Variants in PTPRD observed in about 807,000 individuals in gnomAD.
PTPRD encodes the protein receptor-type tyrosine-protein phosphatase delta.
PTPRD carries 34 observed loss-of-function variants against 214.5 expected under a neutral mutation model. The observed-to-expected ratio is 0.16, with a 90% CI of 0.12 to 0.21. The LOEUF (loss-of-function observed/expected upper bound fraction) is 0.21. Ranked by LOEUF, PTPRD falls within the 10% of genes least tolerant of loss-of-function variation. PTPRD has a pLI of 1.00. For missense variants in PTPRD, 2,545 were observed against 2,398.7 expected (o/e 1.06, Z -1.27); for synonymous variants, 1,128 against 845.7 (o/e 1.33, Z -5.79).
intron 11 of PTPRD, among the ~76,000 whole-genome samples, chr9:9,000,723 T>C (rs961988961): frequency 6.6e-6 from 1 of 151,992 alleles, no homozygotes; most frequent in Non-Finnish European, 1.5e-5. Flanking sequence ...CAGGCAGCTC[T>C]CATTCCACCA....
At chr9:9,425,427 T>C in intron 8 of PTPRD, among the ~76,000 whole-genome samples, 1 of 146,954 alleles carries the variant, frequency 6.8e-6, no homozygotes, top group East Asian at 2.0e-4. Flanking sequence ...AATATTATAA[T>C]ATCTTATACA....
intron 4 of PTPRD, among the ~76,000 whole-genome samples, chr9:9,947,239 C>A (rs10759113): frequency 0.55 from 69,311 of 126,516 alleles, 21,625 homozygotes; most frequent in East Asian, 0.88. Flanking sequence ...TATAATGGTA[C>A]ATTTTAGATA....
chr9:8,935,252 A>T lies in PTPRD; in HGVS notation c.-104+83445T>A, dbSNP rs1418238566. 4.6e-5 allele frequency among the ~76,000 whole-genome samples: 7 copies of T among 152,218 alleles called. 1 individual carries two copies. Among genetic ancestry groups the T allele is most frequent in the Non-Finnish European group, 8.8e-5 (6 of 68,024 alleles). On this transcript the variant is annotated intron_variant, in intron 11 of 45. Transcript: ENST00000381196. ...GTTGGAAGTAATAAAAAAATTCAGT[A>T]AAGTTGCAGAATACAAAATCAGTAT...
chr9:9,226,794 T>A (rs183057114), intron 9 of PTPRD, among the ~76,000 whole-genome samples: 1 of 152,062 alleles, frequency 6.6e-6, no homozygotes, highest in Non-Finnish European at 1.5e-5. Context: ...ATCTTTCACT[T>A]AACATGGATA....
At chr9:9,259,612 T>C (rs1019884339) in intron 9 of PTPRD, among the ~76,000 whole-genome samples, 1 of 151,920 alleles carries the variant, frequency 6.6e-6, no homozygotes, top group African/African-American at 2.4e-5. Context: ...CTACCAGAAC[T>C]CTAAAGCCCA....
At chr9:9,381,370 TA>T (rs146288312) in intron 9 of PTPRD, among the ~76,000 whole-genome samples, 25,886 of 132,172 alleles carry the variant, frequency 0.2, 2,747 homozygotes, top group Middle Eastern at 0.26. Flanking sequence ...TTTTTTTTTT[TA>T]TTTTTTTTTT....
chr9:8,822,782 T>G (rs969538966), intron 11 of PTPRD, among the ~76,000 whole-genome samples: 1 of 152,136 alleles, frequency 6.6e-6, no homozygotes, highest in Admixed American at 6.5e-5. Context: ...GGAACAGAAC[T>G]GGAATCCAAT....
chr9:8,759,180 A>G (rs2094236728), intron 11 of PTPRD, among the ~76,000 whole-genome samples: 1 of 151,974 alleles, frequency 6.6e-6, no homozygotes, highest in African/African-American at 2.4e-5. Flanking sequence ...ACAGACACGT[A>G]CCACCTTACT....
intron 14 of PTPRD, among the ~76,000 whole-genome samples, chr9:8,592,999 G>A (rs1182436228): frequency 6.6e-6 from 1 of 152,156 alleles, no homozygotes; most frequent in Non-Finnish European, 1.5e-5. Context: ...GGGAAGCTCA[G>A]GATGTTTTTA....
chr9:8,838,331 G>GA (rs112647473), intron 11 of PTPRD, among the ~76,000 whole-genome samples: 32,728 of 150,868 alleles, frequency 0.22, 3,984 homozygotes, highest in East Asian at 0.42. Flanking sequence ...GACAAATTTG[G>GA]AAAAAAAAAT....
chr9:9,513,952 A>G (rs1341928023), intron 8 of PTPRD, among the ~76,000 whole-genome samples: 1 of 152,062 alleles, frequency 6.6e-6, no homozygotes, highest in Admixed American at 6.6e-5. Context: ...ATGGGAGCCA[A>G]GCTGGTACCA....
intron 10 of PTPRD, among the ~76,000 whole-genome samples, chr9:9,104,484 T>C (rs2154443999): frequency 6.6e-6 from 1 of 152,250 alleles, no homozygotes; most frequent in South Asian, 2.1e-4. Context: ...CTCAGGTAGG[T>C]GTTTTATAAA....
At chr9:8,332,377 T>C (rs1210191399) in intron 43 of PTPRD, among the ~76,000 whole-genome samples, 5 of 152,106 alleles carry the variant, frequency 3.3e-5, no homozygotes, top group Admixed American at 6.5e-5. Flanking sequence ...GCAGGGGACA[T>C]AGCATGAACC....
chr9:9,894,008 T>G, intron 5 of PTPRD, among the ~76,000 whole-genome samples: 1 of 152,054 alleles, frequency 6.6e-6, no homozygotes, highest in East Asian at 1.9e-4. Context: ...GAGAAGGGGT[T>G]TCACAATGTT....
chr9:10,597,198 G>T (rs1458807670), intron 2 of PTPRD, among the ~76,000 whole-genome samples: 1 of 151,150 alleles, frequency 6.6e-6, no homozygotes, highest in Non-Finnish European at 1.5e-5. Context: ...GACATAAAAG[G>T]GTTCCAAAAA....
chr9:8,840,331 G>C (rs72704311), intron 11 of PTPRD, among the ~76,000 whole-genome samples: 21,476 of 152,106 alleles, frequency 0.14, 1,723 homozygotes, highest in East Asian at 0.23. Flanking sequence ...AAGATTTGAT[G>C]GTTTTAAAAA....
At chr9:8,821,799 G>A (rs762579422) in intron 11 of PTPRD, among the ~76,000 whole-genome samples, 3 of 152,136 alleles carry the variant, frequency 2.0e-5, no homozygotes. Flanking sequence ...CGAGTAGCTG[G>A]GATTACAGGC....
At chr9:9,406,023 T>C (rs1228606275) in intron 8 of PTPRD, among the ~76,000 whole-genome samples, 1 of 152,004 alleles carries the variant, frequency 6.6e-6, no homozygotes, top group Non-Finnish European at 1.5e-5. Context: ...AATGTATTAT[T>C]TGGATAACTT....
At chr9:8,919,849 T>G (rs752558747) in intron 11 of PTPRD, among the ~76,000 whole-genome samples, 3 of 150,806 alleles carry the variant, frequency 2.0e-5, no homozygotes, top group Admixed American at 6.6e-5. Context: ...CGTGCATGTA[T>G]CATGCATACA....
Sources: allele counts gnomAD v4.1 joint callset (sites outside exome capture counted in the v4.1 genomes callset), GRCh38; gene constraint gnomAD v4.1.1; transcripts MANE v1.5; gene names NCBI Gene and HGNC (gene_info 2026-07-23, HGNC 2026-07-21).